ACE: variants seen among roughly 807,000 people sequenced by gnomAD.
The protein encoded by ACE is angiotensin I converting enzyme.
ACE carries 122 observed loss-of-function variants against 162.3 expected under a neutral mutation model. The observed-to-expected ratio is 0.75, with a 90% CI of 0.65 to 0.87. The LOEUF (loss-of-function observed/expected upper bound fraction) is 0.87, where lower values mean the gene tolerates loss of function less well. ACE is among the 40% of genes least tolerant of loss of function. The probability of loss-of-function intolerance (pLI) is 0.00; values close to 1 mark genes in which losing one functional copy is unlikely to be tolerated. For synonymous variants in ACE, 796 were observed against 720.6 expected (o/e 1.10, Z -1.68); for missense variants, 1,799 against 1,735.1 (o/e 1.04, Z -0.65).
Position 63,486,970 on chromosome 17 carries a change from C to G in ACE, c.2218-16C>G. The G allele has an allele frequency of 1.2e-6, 2 of 1,608,904 alleles. No individual in the cohort carries two copies. Among genetic ancestry groups the G allele is most frequent in the Non-Finnish European group, 1.7e-6 (2 of 1,175,458 alleles). On this transcript the variant is annotated splice_polypyrimidine_tract_variant and intron_variant, in intron 14 of 24. Coordinates refer to ENST00000290866, the MANE Select transcript of ACE (RefSeq NM_000789.4). ...TGCAAAGGAGTACAGCTCATTGCCT[C>G]TCCTTCCTCCTGCAGTACAACAAGA...
Position 63,482,502 on chromosome 17 carries a change from C to G in ACE, c.1155C>G (p.Leu385=). The change falls in exon 8 of 25, where the codon CTC becomes CTG. Residue 385 remains leucine (L), a synonymous_variant. Coordinates refer to ENST00000290866, the MANE Select transcript of ACE (RefSeq NM_000789.4). ...GCACACGGGTCACGATGGACCAGCTCTCCACAGTGCACCATGAGATGGGCC... is the reference window on the plus strand; with the variant it reads ...GCACACGGGTCACGATGGACCAGCTGTCCACAGTGCACCATGAGATGGGCC... ...KQCTRVTMDQ[L]STVHHEMGHI... is the part of the protein sequence containing the mutation. 3 of 1,614,040 alleles carry G rather than the reference C, an allele frequency of 1.9e-6. No individual in the cohort carries two copies. The highest frequency in any genetic ancestry group is 2.5e-6 in the Non-Finnish European group (3 of 1,180,020).
chr17:63,494,538 C>G, intron 22 of ACE, 68 bp downstream of exon 22: 1 of 1,396,692 alleles, frequency 7.2e-7, no homozygotes. Flanking sequence ...CAACTGCGGC[C>G]ACTGCCCGGT....
intron 22 of ACE, among the ~76,000 whole-genome samples, chr17:63,494,703 C>T (rs1041635901): frequency 2.0e-5 from 3 of 152,230 alleles, no homozygotes; most frequent in Non-Finnish European, 4.4e-5. Context: ...AGAAACTCAA[C>T]CTAATAATTG....
rs1568035051 is a variant in ACE, at chr17:63,477,359, C to CGGGCGG, written c.249+25_249+30dup. The CGGGCGG allele has an allele frequency of 5.2e-6, 6 of 1,160,330 alleles. No homozygotes were observed. Among genetic ancestry groups the CGGGCGG allele is most frequent in the Non-Finnish European group, 6.4e-6 (6 of 935,952 alleles). 71.9% of individuals were successfully genotyped at this position (1,160,330 alleles called of 1,614,324 possible). A position where few individuals can be genotyped will look rare whatever the true frequency, so the allele number is the denominator to read the frequency against. On this transcript the variant is annotated intron_variant, in intron 1 of 24. Coordinates refer to ENST00000290866, the MANE Select transcript of ACE (RefSeq NM_000789.4). The stretch of plus-strand genomic sequence containing the variant: ...AAGGCGCCAGGTGGGCGCCCGGGCC[C>CGGGCGG]GGGCGGGGGCGGGGCGGGGCCGCGG...
Position 63,488,766 on chromosome 17 carries a change from C to A in ACE, c.2424C>A (p.Leu808=), listed in dbSNP as rs2147554524. The A allele has an allele frequency of 6.2e-7, 1 of 1,613,950 alleles. No homozygotes were observed. Among genetic ancestry groups the A allele is most frequent in the African/African-American group, 1.3e-5 (1 of 74,986 alleles). The part of the protein sequence containing the change: ...ILQFYPKYVE[L]INQAARLNGY... ...AGTTTTACCCGAAATACGTGGAACT[C>A]ATCAACCAGGCTGCCCGGCTCAATG... The change falls in exon 16 of 25, where the codon CTC becomes CTA. Residue 808 remains leucine, a synonymous_variant. Coordinates refer to ENST00000290866, the MANE Select transcript of ACE (RefSeq NM_000789.4).
At position 63,482,492 on chromosome 17, in the gene ACE, T is replaced by C. The variant is rs2049726728; in HGVS notation, c.1145T>C (p.Met382Thr). ...FRIKQCTRVT[M>T]DQLSTVHHEM... ...ATCAAGCAGTGCACACGGGTCACGA[T>C]GGACCAGCTCTCCACAGTGCACCAT... is the stretch of plus-strand genomic sequence containing the variant. The change falls in exon 8 of 25, where the codon ATG becomes ACG. Residue 382 changes from methionine (M) to threonine (T), a missense_variant. Transcript: ENST00000290866. 3.1e-6 allele frequency: 5 copies of C among 1,614,036 alleles called. No individual in the cohort carries two copies. The highest frequency in any genetic ancestry group is 2.2e-5 in the South Asian group (2 of 91,072).
At position 63,479,777 on chromosome 17, in the gene ACE, A is replaced by G; in HGVS notation, c.520A>G (p.Asn174Asp). 1.9e-6 allele frequency: 3 copies of G among 1,613,344 alleles called. No individual in the cohort carries two copies. Among genetic ancestry groups the G allele is most frequent in the Non-Finnish European group, 2.5e-6 (3 of 1,180,022 alleles). Residue 174 changes from asparagine (N) to aspartate (D), a missense_variant, in exon 4 of 25, where the codon AAC (asparagine) becomes GAC (aspartate). Transcript: ENST00000290866. Reference sequence around the variant, plus strand: ...GCCTGCCTGTGTCTCAGATCTCACCAACATCCTGGCTTCCTCGCGAAGCTA... The same window carrying G: ...GCCTGCCTGTGTCTCAGATCTCACCGACATCCTGGCTTCCTCGCGAAGCTA... ...TCWSLDPDLT[N>D]ILASSRSYAM...
intron 23 of ACE, 76 bp from the exon 24 acceptor site, chr17:63,496,722 T>A: frequency 6.3e-7 from 1 of 1,597,534 alleles, no homozygotes; most frequent in East Asian, 2.2e-5. Context: ...GGAGTGGGTA[T>A]GGAGAGTGGA....
rs531131955 is a variant in ACE at position 63,483,897 on chromosome 17, C to T, written c.1635C>T (p.Cys545=). The change falls in exon 11 of 25, where the codon TGC becomes TGT. Residue 545 remains cysteine (C), a synonymous_variant. Coordinates refer to ENST00000290866, the MANE Select transcript of ACE (RefSeq NM_000789.4). ...AGTTCCAGTTCCATGAAGCCCTGTGCAAGGAGGCAGGCTATGAGGGCCCAC... is the reference window on the plus strand; with the variant it reads ...AGTTCCAGTTCCATGAAGCCCTGTGTAAGGAGGCAGGCTATGAGGGCCCAC... The part of the protein sequence containing the change: ...VLQFQFHEAL[C]KEAGYEGPLH... 7.4e-6 allele frequency: 12 copies of T among 1,614,144 alleles called. No homozygotes were observed. In the Admixed American group the frequency reaches 1.7e-4, roughly 22 times the overall value.
intron 13 of ACE, 105 bp from the exon 14 acceptor site, chr17:63,486,451 GC>G: frequency 7.9e-7 from 1 of 1,263,720 alleles, no homozygotes; most frequent in Non-Finnish European, 1.1e-6. Context: ...TAATTCCACT[GC>G]CCCCTCACCA....
Position 63,477,297 on chromosome 17 carries a change from G to T in ACE, c.203G>T (p.Ser68Ile), listed in dbSNP as rs1331734032. The change falls in exon 1 of 25, where the codon AGC (serine) becomes ATC (isoleucine). Residue 68 changes from serine (S) to isoleucine (I), a missense_variant. Ser to Ile is a moderately radical substitution (Grantham distance 142). Coordinates refer to ENST00000290866, the MANE Select transcript of ACE (RefSeq NM_000789.4). Reference protein sequence around the residue: ...EQVLFQSVAASWAHDTNITAE... With the variant: ...EQVLFQSVAAIWAHDTNITAE... The stretch of plus-strand genomic sequence containing the variant: ...GTGCTGTTCCAGAGCGTGGCCGCCA[G>T]CTGGGCGCACGACACCAACATCACC... 1 of 1,445,668 alleles carries T rather than the reference G, an allele frequency of 6.9e-7. No homozygotes were observed. The highest frequency in any genetic ancestry group is 9.1e-7 in the Non-Finnish European group (1 of 1,093,946). 89.6% of individuals were successfully genotyped at this position (1,445,668 alleles called of 1,614,324 possible). A position where few individuals can be genotyped will look rare whatever the true frequency, so the allele number is the denominator to read the frequency against.
At position 63,482,984 on chromosome 17, in the gene ACE, C is replaced by T. The variant is rs202044078; in HGVS notation, c.1343-45C>T. The T allele has an allele frequency of 2.3e-4, 363 of 1,598,262 alleles. 1 individual carries two copies. Among genetic ancestry groups the T allele is most frequent in the Non-Finnish European group, 2.8e-4 (332 of 1,165,762 alleles). ...GCCCACACTCTTAGGGGACCCTCTTCTCCCTCTGACCTCTTCCCTCTCCTT... is the reference window on the plus strand; with the variant it reads ...GCCCACACTCTTAGGGGACCCTCTTTTCCCTCTGACCTCTTCCCTCTCCTT... On this transcript the variant is annotated intron_variant, in intron 8 of 24. Transcript: ENST00000290866.
chr17:63,494,535 G>T, intron 22 of ACE, 65 bp downstream of exon 22: 1 of 1,422,884 alleles, frequency 7.0e-7, no homozygotes. Flanking sequence ...TTTCAACTGC[G>T]GCCACTGCCC....
chr17:63,483,568 CCCCCA>C lies in ACE; in HGVS notation c.1586+19_1586+23del. ...TGACACCATACATCAGGTATTAGCGCCCCCACCCCACCCACCCCCAGTACTGTCAC... is the reference window on the plus strand; with the variant it reads ...TGACACCATACATCAGGTATTAGCGCCCCCACCCACCCCCAGTACTGTCAC... On this transcript the variant is annotated intron_variant, in intron 10 of 24. Transcript: ENST00000290866. 5 of 1,585,574 alleles carry C rather than the reference CCCCCA, an allele frequency of 3.2e-6. No individual in the cohort carries two copies. Among genetic ancestry groups the C allele is most frequent in the African/African-American group, 1.4e-5 (1 of 72,428 alleles).
At chr17:63,497,015 G>A (rs781026907) in intron 24 of ACE, 30 bp downstream of exon 24, 53 of 1,564,194 alleles carry the variant, frequency 3.4e-5, no homozygotes, top group Non-Finnish European at 4.4e-5. Flanking sequence ...CTCCAGCCTT[G>A]GGTCTTAACC....
At position 63,479,063 on chromosome 17, in the gene ACE, C is replaced by T. The variant is rs148351680; in HGVS notation, c.474C>T (p.Leu158=). The change falls in exon 3 of 25, where the codon CTC becomes CTT. Residue 158 remains leucine (L), a synonymous_variant. Coordinates refer to ENST00000290866, the MANE Select transcript of ACE (RefSeq NM_000789.4). ...SRIYSTAKVC[L]PNKTATCWSL... The stretch of plus-strand genomic sequence containing the variant: ...TCTACTCCACCGCCAAGGTCTGCCT[C>T]CCCAACAAGACTGCCACCTGCTGGT... The T allele has an allele frequency of 1.1e-4, 179 of 1,613,696 alleles. 1 individual carries two copies. In the African/African-American group the frequency reaches 2.1e-3, roughly 19 times the overall value.
Position 63,494,481 on chromosome 17 carries a change from A to G in ACE, c.3380+11A>G. 1.2e-6 allele frequency: 2 copies of G among 1,610,012 alleles called. No homozygotes were observed. The highest frequency in any genetic ancestry group is 1.7e-6 in the Non-Finnish European group (2 of 1,176,878). ...CGTGCCTTACATCAGGTAACGGGAAAGGCAGGAGGGCACATTGTGAGGGGC... is the reference window on the plus strand; with the variant it reads ...CGTGCCTTACATCAGGTAACGGGAAGGGCAGGAGGGCACATTGTGAGGGGC... On this transcript the variant is annotated intron_variant, in intron 22 of 24. Transcript: ENST00000290866.
chr17:63,486,911 G>T, intron 14 of ACE, 75 bp from the exon 15 acceptor site: 2 of 1,509,478 alleles, frequency 1.3e-6, no homozygotes, highest in East Asian at 2.3e-5. Context: ...AGCCCATGGG[G>T]CCTGGGGGTA....
chr17:63,477,920 GTGC>G lies in ACE; in HGVS notation c.250-10_250-8del. The G allele has an allele frequency of 6.2e-7, 1 of 1,606,920 alleles. No homozygotes were observed. The highest frequency in any genetic ancestry group is 8.5e-7 in the Non-Finnish European group (1 of 1,176,850). ...GTCCTACACCCTCCCTGCCCTCCTG[GTGC>G]CCAATAGGAGGAAGCAGCCCTGCTC... is the stretch of plus-strand genomic sequence containing the variant. On this transcript the variant is annotated splice_polypyrimidine_tract_variant and splice_region_variant and intron_variant, in intron 1 of 24. Coordinates refer to ENST00000290866, the MANE Select transcript of ACE (RefSeq NM_000789.4).
Sources: allele counts gnomAD v4.1 joint callset (sites outside exome capture counted in the v4.1 genomes callset), GRCh38; gene constraint gnomAD v4.1.1; transcripts MANE v1.5; gene names NCBI Gene and HGNC (gene_info 2026-07-23, HGNC 2026-07-21).